Variants in VWA3B observed in about 807,000 individuals in gnomAD.
The protein encoded by VWA3B is von Willebrand factor A domain-containing protein 3B.
Under a neutral mutation model 158.3 loss-of-function variants are expected in VWA3B, and 138 were observed. The observed-to-expected ratio is 0.87, with a 90% confidence interval of 0.76 to 1.00. The LOEUF (loss-of-function observed/expected upper bound fraction) is 1.00, where lower values mean the gene tolerates loss of function less well. Among genes scored for constraint, VWA3B ranks in the 50% least tolerant of loss-of-function variants. VWA3B has a pLI of 0.00. For missense variants in VWA3B, 1,555 were observed against 1,565.1 expected, an observed-to-expected ratio of 0.99 and a Z score of 0.11; for synonymous variants, 596 against 587.3, an observed-to-expected ratio of 1.01 and a Z score of -0.21.
At chr2:98,117,748 CTTTTTTTT>C (rs35080840) in intron 3 of VWA3B, among the ~76,000 whole-genome samples, 8 of 119,470 alleles carry the variant, frequency 6.7e-5, no homozygotes, top group African/African-American at 2.4e-4. Flanking sequence ...CTTAAATTAC[CTTTTTTTT>C]TTTTTTTTTT....
intron 2 of VWA3B, among the ~76,000 whole-genome samples, chr2:98,108,251 A>C (rs1052867140): frequency 6.6e-6 from 1 of 152,044 alleles, no homozygotes; most frequent in African/African-American, 2.4e-5. Flanking sequence ...AGTTCTTGTA[A>C]AATGTTTAGG....
intron 7 of VWA3B, among the ~76,000 whole-genome samples, chr2:98,160,660 A>T (rs1678498307): frequency 6.6e-6 from 1 of 152,204 alleles, no homozygotes; most frequent in South Asian, 2.1e-4. Context: ...CTGCTACTTA[A>T]CACCTCCAGG....
chr2:98,279,791 C>T (rs1467742798), intron 22 of VWA3B, among the ~76,000 whole-genome samples: 2 of 152,062 alleles, frequency 1.3e-5, no homozygotes, highest in Non-Finnish European at 2.9e-5. Context: ...TGGCGCGTGC[C>T]TCAAGACAGC....
chr2:98,257,136 G>A (rs7606591), intron 21 of VWA3B, among the ~76,000 whole-genome samples: 88,028 of 151,732 alleles, frequency 0.58, 25,967 homozygotes, highest in South Asian at 0.82. Context: ...TGGTAACTAT[G>A]ATTCTATTTT....
At chr2:98,256,942 T>C (rs1687192043) in intron 21 of VWA3B, among the ~76,000 whole-genome samples, 1 of 152,188 alleles carries the variant, frequency 6.6e-6, no homozygotes, top group South Asian at 2.1e-4. Flanking sequence ...CCCTTTGTGT[T>C]GGGAACATTT....
chr2:98,110,642 T>C (rs1457345202), intron 2 of VWA3B, among the ~76,000 whole-genome samples: 2 of 152,248 alleles, frequency 1.3e-5, no homozygotes, highest in Non-Finnish European at 1.5e-5. Flanking sequence ...TACATAGATA[T>C]ATTGTGCAGT....
intron 19 of VWA3B, among the ~76,000 whole-genome samples, chr2:98,237,339 A>C (rs988507353): frequency 6.6e-6 from 1 of 152,194 alleles, no homozygotes; most frequent in Non-Finnish European, 1.5e-5. Context: ...CCCTTTATGA[A>C]AGGAAAGGGA....
intron 7 of VWA3B, among the ~76,000 whole-genome samples, chr2:98,159,504 C>T (rs564868798): frequency 5.3e-5 from 8 of 152,202 alleles, no homozygotes; most frequent in African/African-American, 1.9e-4. Flanking sequence ...CTGCCTAGGC[C>T]TCCCAAAGTG....
rs34156416 is a variant in VWA3B at position 98,156,666 on chromosome 2, GTT to G, written c.989-6167_989-6166del. On this transcript the variant is annotated intron_variant, in intron 7 of 27. Coordinates refer to ENST00000477737, the MANE Select transcript of VWA3B (RefSeq NM_144992.5). ...GGATGGAAAAACTGAAAAAAACTCA[GTT>G]TTTTTTTTTTTTTTTTTGTAAATTT... is the stretch of plus-strand genomic sequence containing the variant. 1.6e-3 allele frequency among the ~76,000 whole-genome samples: 186 copies of G among 113,078 alleles called. 2 individuals carry two copies. Among genetic ancestry groups the G allele is most frequent in the Admixed American group, 3.2e-3 (31 of 9,800 alleles). 74.2% of individuals were successfully genotyped at this position (113,078 alleles called of 152,430 possible). A position where few individuals can be genotyped will look rare whatever the true frequency, so the allele number is the denominator to read the frequency against.
chr2:98,109,138 A>C (rs768575662), intron 2 of VWA3B, among the ~76,000 whole-genome samples: 1 of 151,842 alleles, frequency 6.6e-6, no homozygotes, highest in Non-Finnish European at 1.5e-5. Context: ...GATTATAGGC[A>C]TACACCACCA....
At chr2:98,288,167 T>C in intron 22 of VWA3B, among the ~76,000 whole-genome samples, 1 of 152,162 alleles carries the variant, frequency 6.6e-6, no homozygotes, top group Non-Finnish European at 1.5e-5. Context: ...CATATTTGCT[T>C]TTTTGTTTGT....
At chr2:98,278,207 C>T (rs1175692692) in intron 22 of VWA3B, among the ~76,000 whole-genome samples, 3 of 152,156 alleles carry the variant, frequency 2.0e-5, no homozygotes, top group Non-Finnish European at 4.4e-5. Context: ...TTTACTCAGC[C>T]CGTGGCTCTC....
intron 22 of VWA3B, among the ~76,000 whole-genome samples, chr2:98,275,714 T>TA (rs1363654751): frequency 6.6e-6 from 1 of 152,248 alleles, no homozygotes; most frequent in East Asian, 1.9e-4. Flanking sequence ...CTAAAGTTAT[T>TA]ATCAAGGAGG....
At chr2:98,132,760 G>T (rs376406014) in intron 6 of VWA3B, among the ~76,000 whole-genome samples, 2 of 152,226 alleles carry the variant, frequency 1.3e-5, no homozygotes, top group African/African-American at 4.8e-5. Flanking sequence ...GCTCCTGCAG[G>T]AGTTGGGAAT....
At chr2:98,138,165 C>T (rs924296064) in intron 7 of VWA3B, among the ~76,000 whole-genome samples, 1 of 152,216 alleles carries the variant, frequency 6.6e-6, no homozygotes, top group Non-Finnish European at 1.5e-5. Context: ...TCTCTTGGGC[C>T]ATGTGAACTT....
chr2:98,215,572 T>C lies in VWA3B; in HGVS notation c.1837-2274T>C, dbSNP rs570357661. Among the ~76,000 whole-genome samples the C allele has an allele frequency of 2.1e-4, 32 of 150,818 alleles. No individual in the cohort carries two copies. The East Asian group carries it at 5.0e-3, about 23-fold the overall frequency. On this transcript the variant is annotated intron_variant, in intron 13 of 27. Coordinates refer to ENST00000477737, the MANE Select transcript of VWA3B (RefSeq NM_144992.5). Reference sequence around the variant, plus strand: ...TGGCTCTGTCGCCCAGGCTAGAGTGTAGTGGCGCAATCTCGGCTCACTGCA... The same window carrying C: ...TGGCTCTGTCGCCCAGGCTAGAGTGCAGTGGCGCAATCTCGGCTCACTGCA...
chr2:98,230,165 C>T lies in VWA3B; in HGVS notation c.2266C>T (p.Leu756Phe), dbSNP rs769935534. Residue 756 changes from leucine (L) to phenylalanine (F), a missense_variant, in exon 16 of 28, where the codon CTT (leucine) becomes TTT (phenylalanine). Leu to Phe is a conservative substitution (Grantham distance 22). Coordinates refer to ENST00000477737, the MANE Select transcript of VWA3B (RefSeq NM_144992.5). ...GAATATGTTGAAGGGACCATGGGGC[C>T]TTTCAGATCAAAAGGTTCAGAAAAA... ...SLNMLKGPWG[L>F]SDQKVQKKKV... 4.4e-6 allele frequency: 7 copies of T among 1,598,298 alleles called. No homozygotes were observed. The East Asian group carries it at 9.0e-5, about 21-fold the overall frequency.
intron 7 of VWA3B, among the ~76,000 whole-genome samples, chr2:98,160,956 C>T (rs779894547): frequency 2.0e-5 from 3 of 152,010 alleles, no homozygotes; most frequent in Non-Finnish European, 4.4e-5. Context: ...TTTTTTCTGC[C>T]CTACCCTTCT....
At chr2:98,218,057 T>C (rs762435894) in intron 14 of VWA3B, 29 bp downstream of exon 14, 3 of 1,569,068 alleles carry the variant, frequency 1.9e-6, no homozygotes, top group Non-Finnish European at 2.6e-6. Flanking sequence ...AAGAAGGGAG[T>C]GTTCATTTGT....
Sources: allele counts gnomAD v4.1 joint callset (sites outside exome capture counted in the v4.1 genomes callset), GRCh38; gene constraint gnomAD v4.1.1; transcripts MANE v1.5; gene names NCBI Gene and HGNC (gene_info 2026-07-23, HGNC 2026-07-21).